The following KCNS1 variants were observed in gnomAD, a reference collection of about 807,000 sequenced individuals.
KCNS1 encodes delayed-rectifier potassium channel regulatory subunit KCNS1.
In KCNS1, 26 loss-of-function variants were observed where a neutral mutation model predicts 33.1. The ratio of observed to expected loss-of-function variants is 0.79; its 90% CI spans 0.58 to 1.09. KCNS1 has a LOEUF of 1.09. KCNS1 is among the 50% of genes least tolerant of loss of function. The pLI is 0.00. For missense variants in KCNS1, 702 were observed against 752.4 expected (o/e 0.93, Z 0.78); for synonymous variants, 299 against 338.8 (o/e 0.88, Z 1.29).
chr20:45,093,529 G>A lies in KCNS1; in HGVS notation c.*1341C>T, dbSNP rs759588629. 6.6e-6 allele frequency: 1 copy of A among 152,248 alleles called. No homozygotes were observed. Among genetic ancestry groups the A allele is most frequent in the African/African-American group, 2.4e-5 (1 of 41,460 alleles). 9.4% of individuals were successfully genotyped at this position (152,248 alleles called of 1,614,324 possible). A position where few individuals can be genotyped will look rare whatever the true frequency, so the allele number is the denominator to read the frequency against. On this transcript the variant is annotated 3_prime_UTR_variant, in exon 4 of 4. Transcript: ENST00000537075. ...CAATGTCTTCCATCTTGAGGCTCAG[G>A]GTGATGGGACAGAGATAGCCACAGT... is the stretch of plus-strand genomic sequence containing the variant.
intron 1 of KCNS1, 66 bp from the exon 2 acceptor site, chr20:45,099,305 G>T: frequency 1.2e-6 from 1 of 860,916 alleles, no homozygotes; most frequent in Non-Finnish European, 1.9e-6. Flanking sequence ...GAACTCTAAG[G>T]GTGGGGTCTA....
intron 1 of KCNS1, among the ~76,000 whole-genome samples, chr20:45,099,807 A>G (rs1469701357): frequency 6.6e-6 from 1 of 152,162 alleles, no homozygotes; most frequent in African/African-American, 2.4e-5. Context: ...TCCACTACCC[A>G]CTGACTCCTG....
rs1054916929 is a variant in KCNS1 at position 45,094,676 on chromosome 20, A to C, written c.*194T>G. ...GGAGGCAGGTTTATAAAGCTTTCTG[A>C]GTTGCTTGCAGAATCTCACAGAATC... On this transcript the variant is annotated 3_prime_UTR_variant, in exon 4 of 4. Coordinates refer to ENST00000537075, the MANE Select transcript of KCNS1 (RefSeq NM_001322799.2). The C allele has an allele frequency of 3.5e-6, 2 of 575,362 alleles. No individual in the cohort carries two copies. The highest frequency in any genetic ancestry group is 6.1e-6 in the Non-Finnish European group (2 of 326,420). The allele number at this position is 575,362 out of a possible 1,614,324, so 35.6% of individuals were successfully genotyped here.
At position 45,094,538 on chromosome 20, in the gene KCNS1, T is replaced by TG; in HGVS notation, c.*331_*332insC. 6.7e-5 allele frequency: 15 copies of TG among 225,520 alleles called. No homozygotes were observed. Among genetic ancestry groups the TG allele is most frequent in the South Asian group, 2.1e-4 (2 of 9,748 alleles). The allele number at this position is 225,520 out of a possible 1,614,324, so 14.0% of individuals were successfully genotyped here. A position where few individuals can be genotyped will look rare whatever the true frequency, so the allele number is the denominator to read the frequency against. On this transcript the variant is annotated 3_prime_UTR_variant, in exon 4 of 4. Coordinates refer to ENST00000537075, the MANE Select transcript of KCNS1 (RefSeq NM_001322799.2). ...CATCTGTGAAGTGGGGATAATTCTC[T>TG]TTCTCCAACACAAGGCCAAACATGA...
At position 45,098,298 on chromosome 20, in the gene KCNS1, C is replaced by G; in HGVS notation, c.474G>C (p.Glu158Asp). 6.3e-7 allele frequency: 1 copy of G among 1,579,844 alleles called. No individual in the cohort carries two copies. The highest frequency in any genetic ancestry group is 8.6e-7 in the Non-Finnish European group (1 of 1,165,290). ...AGGCGTGCGGCTGGGTCAGCCGCCT[C>G]TCCAGGTAGCGCGCGCGGCAGCACG... ...LAACCRARYL[E>D]RRLTQPHAWD... Residue 158 changes from glutamate (E) to aspartate (D), a missense_variant, in exon 3 of 4, where the codon GAG (glutamate) becomes GAC (aspartate). By Grantham distance (45) the Glu-to-Asp change is conservative. Transcript: ENST00000537075. The surrounding 1 kb of genome is among the most constrained non-coding windows in gnomAD (Gnocchi z 5.2).
rs1981111357 is a variant in KCNS1, at chr20:45,094,606, T to C, written c.*264A>G. ...AGGTGCTCAGGAATCATTAGTATCCTTTCAACTTCCTCCCTCTGGCTCATG... is the reference window on the plus strand; with the variant it reads ...AGGTGCTCAGGAATCATTAGTATCCCTTCAACTTCCTCCCTCTGGCTCATG... On this transcript the variant is annotated 3_prime_UTR_variant, in exon 4 of 4. Coordinates refer to ENST00000537075, the MANE Select transcript of KCNS1 (RefSeq NM_001322799.2). 2.3e-6 allele frequency: 1 copy of C among 443,296 alleles called. No individual in the cohort carries two copies. The highest frequency in any genetic ancestry group is 3.2e-5 in the South Asian group (1 of 31,066). 27.5% of individuals were successfully genotyped at this position (443,296 alleles called of 1,614,324 possible). A position where few individuals can be genotyped will look rare whatever the true frequency, so the allele number is the denominator to read the frequency against.
rs904625826 is a variant in KCNS1, at chr20:45,098,973, A to G, written c.76+188T>C. Among the ~76,000 whole-genome samples the G allele has an allele frequency of 6.6e-6, 1 of 152,130 alleles. No homozygotes were observed. Among genetic ancestry groups the G allele is most frequent in the Non-Finnish European group, 1.5e-5 (1 of 68,020 alleles). On this transcript the variant is annotated intron_variant, in intron 2 of 3. Transcript: ENST00000537075. The surrounding 1 kb of genome is among the most constrained non-coding windows in gnomAD (Gnocchi z 5.2). ...TCTCCTTTGGAAAGTAAATGCTGAGATCTACCTGGAAGGATATGAAAGCGA... is the reference window on the plus strand; with the variant it reads ...TCTCCTTTGGAAAGTAAATGCTGAGGTCTACCTGGAAGGATATGAAAGCGA...
At position 45,094,816 on chromosome 20, in the gene KCNS1, C is replaced by T; in HGVS notation, c.*54G>A. 7.1e-7 allele frequency: 1 copy of T among 1,409,854 alleles called. No individual in the cohort carries two copies. The highest frequency in any genetic ancestry group is 9.8e-7 in the Non-Finnish European group (1 of 1,024,176). 87.3% of individuals were successfully genotyped at this position (1,409,854 alleles called of 1,614,324 possible). On this transcript the variant is annotated 3_prime_UTR_variant, in exon 4 of 4. Transcript: ENST00000537075. ...GGCTCACTACCATGAAGAACTTTAG[C>T]AGGGGAGGAATCTCTACTGTAGGGG...
Position 45,095,090 on chromosome 20 carries a change from G to A in KCNS1, c.1361C>T (p.Thr454Ile), listed in dbSNP as rs780485677. 4 of 1,614,060 alleles carry A rather than the reference G, an allele frequency of 2.5e-6. No homozygotes were observed. Among genetic ancestry groups the A allele is most frequent in the Non-Finnish European group, 3.4e-6 (4 of 1,180,002 alleles). Residue 454 changes from threonine (T) to isoleucine (I), a missense_variant, in exon 4 of 4, where the codon ACC becomes ATC. Physicochemically the swap from Thr to Ile is moderately conservative, Grantham distance 89. This residue lies in a region of KCNS1 where 253 missense variants were observed against 327.4 expected (regional missense o/e 0.77). Transcript: ENST00000537075. ...GTGGGAGAACTTGTTGAAGATGATGGTGATGGGGAGTGCTACCACCAGGAT... is the reference window on the plus strand; with the variant it reads ...GTGGGAGAACTTGTTGAAGATGATGATGATGGGGAGTGCTACCACCAGGAT... ...GGILVVALPI[T>I]IIFNKFSHFY...
rs780094410 is a variant in KCNS1 at position 45,097,932 on chromosome 20, G to T, written c.840C>A (p.Ile280=). Residue 280 remains isoleucine, a synonymous_variant, in exon 3 of 4, where the codon ATC becomes ATA. Transcript: ENST00000537075. ...PVLRRLEYFC[I]AWFSFEVSSR... is the part of the protein sequence containing the mutation. ...ACGACACCTCGAAGCTGAACCAGGC[G>T]ATGCAGAAGTACTCGAGGCGTCGCA... 1.3e-5 allele frequency: 20 copies of T among 1,592,076 alleles called. No homozygotes were observed. Among genetic ancestry groups the T allele is most frequent in the Non-Finnish European group, 1.7e-5 (20 of 1,170,218 alleles).
chr20:45,098,589 C>T lies in KCNS1; in HGVS notation c.183G>A (p.Arg61=). 2 of 1,397,880 alleles carry T rather than the reference C, an allele frequency of 1.4e-6. No homozygotes were observed. The highest frequency in any genetic ancestry group is 1.9e-6 in the Non-Finnish European group (2 of 1,072,528). 86.6% of individuals were successfully genotyped at this position (1,397,880 alleles called of 1,614,324 possible). ...GCGCCAGGGCGCGCGCGCTCAGCTG[C>T]CGCCGCACGCCACCCACGTTCACGC... ...ALRVNVGGVR[R]QLSARALARF... Residue 61 remains arginine (R), a synonymous_variant, in exon 3 of 4, where the codon CGG becomes CGA. Transcript: ENST00000537075. The surrounding 1 kb of genome is among the most constrained non-coding windows in gnomAD (Gnocchi z 5.2).
In KCNS1 at chr20:45,097,985, G is replaced by T; in HGVS notation, c.787C>A (p.Pro263Thr). The change falls in exon 3 of 4, where the codon CCG (proline) becomes ACG (threonine). Residue 263 changes from proline (P) to threonine (T), a missense_variant. By Grantham distance (38) the Pro-to-Thr change is conservative. Transcript: ENST00000537075. The stretch of plus-strand genomic sequence containing the variant: ...ACCGGGTCGTCGCGCACGCCTTCCG[G>T]GCTGCGGCCCGCGGCCACCGCAGCC... ...AVAAVAAGRSPEGVRDDPVLR... is the reference protein window; with the variant it reads ...AVAAVAAGRSTEGVRDDPVLR... 6.5e-7 allele frequency: 1 copy of T among 1,539,896 alleles called. No homozygotes were observed.
In KCNS1 at chr20:45,095,019, T is replaced by A; in HGVS notation, c.1432A>T (p.Asn478Tyr). The A allele has an allele frequency of 6.2e-7, 1 of 1,613,396 alleles. No individual in the cohort carries two copies. The highest frequency in any genetic ancestry group is 8.5e-7 in the Non-Finnish European group (1 of 1,179,812). The change falls in exon 4 of 4, where the codon AAC becomes TAC. Residue 478 changes from asparagine (N) to tyrosine (Y), a missense_variant. Physicochemically the swap from Asn to Tyr is moderately radical, Grantham distance 143 (BLOSUM62 -2). Around this residue, in one of 3 missense-constraint regions of KCNS1, gnomAD observed 75 missense variants for 72.7 expected, o/e 1.03. Coordinates refer to ENST00000537075, the MANE Select transcript of KCNS1 (RefSeq NM_001322799.2). ...KALEAAVRNS[N>Y]HQEFEDLLSS... ...AGCAAGTCCTCAAACTCTTGGTGGT[T>A]GCTGTTGCGCACGGCTGCCTCCAGA... is the stretch of plus-strand genomic sequence containing the variant.
intron 3 of KCNS1, among the ~76,000 whole-genome samples, chr20:45,096,944 C>G (rs976422928): frequency 2.6e-5 from 4 of 152,256 alleles, no homozygotes; most frequent in African/African-American, 9.6e-5. Context: ...ACACGCCGTT[C>G]GCCTTGCCTC....
In KCNS1 at chr20:45,091,563, C is replaced by T. The variant is rs1181512626; in HGVS notation, c.*3307G>A. 6.6e-6 allele frequency among the ~76,000 whole-genome samples: 1 copy of T among 152,176 alleles called. No homozygotes were observed. Among genetic ancestry groups the T allele is most frequent in the Non-Finnish European group, 1.5e-5 (1 of 68,032 alleles). On this transcript the variant is annotated 3_prime_UTR_variant, in exon 4 of 4. Transcript: ENST00000537075. ...CCTTCTGTAGTGGGCCAGATGGTGG[C>T]CCCAAACACCTGTCCATATTTTAAT...
Position 45,098,876 on chromosome 20 carries a change from C to T in KCNS1, c.77-181G>A, listed in dbSNP as rs1295586515. 6.6e-6 allele frequency among the ~76,000 whole-genome samples: 1 copy of T among 152,166 alleles called. No homozygotes were observed. Among genetic ancestry groups the T allele is most frequent in the Non-Finnish European group, 1.5e-5 (1 of 68,026 alleles). On this transcript the variant is annotated intron_variant, in intron 2 of 3. Transcript: ENST00000537075. The surrounding 1 kb of genome is among the most constrained non-coding windows in gnomAD (Gnocchi z 5.2). Reference sequence around the variant, plus strand: ...CCTCTGGACTCAGAGTCAGGCCTGGCTTTGACTATCCTTCATCCCCATCAT... The same window carrying T: ...CCTCTGGACTCAGAGTCAGGCCTGGTTTTGACTATCCTTCATCCCCATCAT...
rs1381101908 is a variant in KCNS1, at chr20:45,094,170, TC to T, written c.*699del. 8 of 152,260 alleles carry T rather than the reference TC, an allele frequency of 5.3e-5. No individual in the cohort carries two copies. Among genetic ancestry groups the T allele is most frequent in the African/African-American group, 1.9e-4 (8 of 41,446 alleles). 9.4% of individuals were successfully genotyped at this position (152,260 alleles called of 1,614,324 possible). On this transcript the variant is annotated 3_prime_UTR_variant, in exon 4 of 4. Transcript: ENST00000537075. ...GCAAGTACAATGCTATGGTACTTCC[TC>T]CCAGGACTCATCCTCCTTCCCTCCA...
rs148084401 is a variant in KCNS1 at position 45,097,691 on chromosome 20, C to T, written c.1081G>A (p.Gly361Arg). The T allele has an allele frequency of 7.5e-6, 12 of 1,608,594 alleles. No homozygotes were observed. Among genetic ancestry groups the T allele is most frequent in the Non-Finnish European group, 6.8e-6 (8 of 1,179,782 alleles). Residue 361 changes from glycine to arginine, a missense_variant, in exon 3 of 4, where the codon GGG becomes AGG. Physicochemically the swap from Gly to Arg is moderately radical, Grantham distance 125 (BLOSUM62 -2). Coordinates refer to ENST00000537075, the MANE Select transcript of KCNS1 (RefSeq NM_001322799.2). The stretch of plus-strand genomic sequence containing the variant: ...AGCGTGGCTCCCAGCGAGCGCAGCC[C>T]GGTGGAATGGCGCGCCAACTTGAGT... ...RVLKLARHST[G>R]LRSLGATLKH...
Position 45,094,889 on chromosome 20 carries a change from G to A in KCNS1, c.1562C>T (p.Pro521Leu), listed in dbSNP as rs754533372. Reference sequence around the variant, plus strand: ...CTGGTTTTAATACATCTGAGGGTGTGGAGGCTCACTGGGGGCCTGGCTCTC... The same window carrying A: ...CTGGTTTTAATACATCTGAGGGTGTAGAGGCTCACTGGGGGCCTGGCTCTC... ...DLESQAPSEP[P>L]HPQMY The change falls in exon 4 of 4, where the codon CCA (proline) becomes CTA (leucine). Residue 521 changes from proline to leucine, a missense_variant. Physicochemically the swap from Pro to Leu is moderately conservative, Grantham distance 98. Around this residue, in one of 3 missense-constraint regions of KCNS1, gnomAD observed 75 missense variants for 72.7 expected, o/e 1.03. Coordinates refer to ENST00000537075, the MANE Select transcript of KCNS1 (RefSeq NM_001322799.2). 6.2e-7 allele frequency: 1 copy of A among 1,612,768 alleles called. No homozygotes were observed. The highest frequency in any genetic ancestry group is 8.5e-7 in the Non-Finnish European group (1 of 1,179,152).
Sources: allele counts gnomAD v4.1 joint callset (sites outside exome capture counted in the v4.1 genomes callset), GRCh38; gene constraint gnomAD v4.1.1; regional missense constraint gnomAD v4.1.1; non-coding constraint Gnocchi (gnomAD v3.1); transcripts MANE v1.5; gene names NCBI Gene and HGNC (gene_info 2026-07-23, HGNC 2026-07-21).